CDH12: variants seen among roughly 807,000 people sequenced by gnomAD.
CDH12 encodes cadherin 12, also known as cadherin-12.
A neutral mutation model predicts 74.1 loss-of-function variants in CDH12; 41 were observed. The observed-to-expected ratio is 0.55, with a 90% CI of 0.43 to 0.72. The LOEUF is 0.72. Among genes scored for constraint, CDH12 ranks in the 30% least tolerant of loss-of-function variants. The pLI is 0.00. For missense variants in CDH12, 945 were observed against 977.2 expected (o/e 0.97, Z 0.44); for synonymous variants, 399 against 355.0 (o/e 1.12, Z -1.39).
chr5:22,715,870 G>C (rs1561598267), intron 1 of CDH12, among the ~76,000 whole-genome samples: 1 of 151,572 alleles, frequency 6.6e-6, no homozygotes, highest in Non-Finnish European at 1.5e-5. Flanking sequence ...AGCACGTTGG[G>C]TTACGCCTGT....
At chr5:21,933,330 G>C (rs1395558933) in intron 6 of CDH12, among the ~76,000 whole-genome samples, 1 of 152,026 alleles carries the variant, frequency 6.6e-6, no homozygotes, top group Non-Finnish European at 1.5e-5. Context: ...TGAGACTTGG[G>C]TATAACTAAA....
At chr5:22,090,501 AAG>A (rs1203883841) in intron 4 of CDH12, among the ~76,000 whole-genome samples, 2 of 151,368 alleles carry the variant, frequency 1.3e-5, no homozygotes, top group Non-Finnish European at 3.0e-5. Context: ...AAAAAAAAAA[AAG>A]AAGTTGAGGG....
At chr5:22,275,609 A>C (rs1026572237) in intron 3 of CDH12, among the ~76,000 whole-genome samples, 1 of 152,176 alleles carries the variant, frequency 6.6e-6, no homozygotes, top group Non-Finnish European at 1.5e-5. Flanking sequence ...ATAAGGCTTA[A>C]AAAATATTTC....
At chr5:22,730,045 A>T (rs147275690) in intron 1 of CDH12, among the ~76,000 whole-genome samples, 173 of 152,064 alleles carry the variant, frequency 1.1e-3, no homozygotes, top group African/African-American at 4.0e-3. Context: ...AAAAACTACA[A>T]TTAAACAGGA....
intron 3 of CDH12, among the ~76,000 whole-genome samples, chr5:22,319,390 T>C (rs1738765688): frequency 6.6e-6 from 1 of 152,132 alleles, no homozygotes; most frequent in South Asian, 2.1e-4. Context: ...CAACATCCTA[T>C]GTGGGAAGAA....
At chr5:22,108,221 T>A (rs1364252591) in intron 4 of CDH12, among the ~76,000 whole-genome samples, 2 of 152,110 alleles carry the variant, frequency 1.3e-5, no homozygotes, top group Admixed American at 6.6e-5. Context: ...TAAAGGGCAG[T>A]TCCCCTGCAC....
At chr5:22,343,321 CACAGAGAG>C (rs1354761974) in intron 3 of CDH12, among the ~76,000 whole-genome samples, 14 of 124,208 alleles carry the variant, frequency 1.1e-4, no homozygotes, top group African/African-American at 1.5e-4. Flanking sequence ...CAGACACACA[CACAGAGAG>C]AGAGAGAGAG....
chr5:21,917,086 C>T (rs2150068691), intron 6 of CDH12, among the ~76,000 whole-genome samples: 1 of 152,308 alleles, frequency 6.6e-6, no homozygotes, highest in African/African-American at 2.4e-5. Context: ...CTGGTCCTCT[C>T]ACCTTTAACA....
At chr5:22,135,887 GT>G (rs1249716017) in intron 4 of CDH12, among the ~76,000 whole-genome samples, 2 of 151,832 alleles carry the variant, frequency 1.3e-5, no homozygotes, top group Non-Finnish European at 2.9e-5. Flanking sequence ...GGAGAGCAAT[GT>G]TTTGTGTCCT....
At chr5:22,094,665 A>G (rs992364579) in intron 4 of CDH12, among the ~76,000 whole-genome samples, 2 of 152,140 alleles carry the variant, frequency 1.3e-5, no homozygotes, top group South Asian at 4.1e-4. Flanking sequence ...CCAGCTACAT[A>G]TCAGTATAGA....
chr5:22,590,273 C>A (rs1038785934), intron 1 of CDH12, among the ~76,000 whole-genome samples: 1 of 151,746 alleles, frequency 6.6e-6, no homozygotes, highest in Admixed American at 6.6e-5. Context: ...AGATCATGAG[C>A]CTCAAAAATG....
intron 6 of CDH12, among the ~76,000 whole-genome samples, chr5:21,911,387 T>C (rs183123199): frequency 6.0e-4 from 92 of 152,270 alleles, no homozygotes; most frequent in Middle Eastern, 3.4e-3. Context: ...TTTTATTTTT[T>C]ATTATTGATG....
At chr5:21,910,887 C>T (rs1022270131) in intron 6 of CDH12, among the ~76,000 whole-genome samples, 7 of 151,992 alleles carry the variant, frequency 4.6e-5, no homozygotes, top group Non-Finnish European at 8.8e-5. Context: ...ACTCAGATCC[C>T]AGAGGGTAAG....
chr5:22,428,216 C>T (rs1013194998), intron 2 of CDH12, among the ~76,000 whole-genome samples: 28 of 150,432 alleles, frequency 1.9e-4, no homozygotes, highest in African/African-American at 7.0e-4. Context: ...TACACACACA[C>T]ACACACACAC....
At chr5:22,843,366 A>T in intron 1 of CDH12, among the ~76,000 whole-genome samples, 1 of 152,126 alleles carries the variant, frequency 6.6e-6, no homozygotes, top group East Asian at 1.9e-4. Flanking sequence ...CTGTGAAATT[A>T]GCATCAAACA....
At chr5:22,600,050 T>C (rs1026657349) in intron 1 of CDH12, among the ~76,000 whole-genome samples, 1 of 152,130 alleles carries the variant, frequency 6.6e-6, no homozygotes, top group African/African-American at 2.4e-5. Flanking sequence ...AAAAAAGACA[T>C]GCAGACTCTG....
At chr5:22,752,035 T>C (rs529704300) in intron 1 of CDH12, among the ~76,000 whole-genome samples, 1 of 152,276 alleles carries the variant, frequency 6.6e-6, no homozygotes, top group Non-Finnish European at 1.5e-5. Flanking sequence ...TTGCTATCAT[T>C]TCAGTGTGGA....
chr5:22,569,834 A>T (rs1739459483), intron 1 of CDH12, among the ~76,000 whole-genome samples: 1 of 152,092 alleles, frequency 6.6e-6, no homozygotes, highest in Non-Finnish European at 1.5e-5. Flanking sequence ...AACTCTTCTA[A>T]GTCATCGAGA....
At chr5:22,603,887 T>C (rs1009051347) in intron 1 of CDH12, among the ~76,000 whole-genome samples, 2 of 152,154 alleles carry the variant, frequency 1.3e-5, no homozygotes, top group African/African-American at 4.8e-5. Context: ...CCAAAGAGAA[T>C]TGGCTTCACC....
Sources: gnomAD v4.1 joint callset for allele counts (sites outside exome capture counted in the v4.1 genomes callset) on GRCh38, gnomAD v4.1.1 for gene constraint, MANE v1.5 for transcripts, NCBI Gene and HGNC (gene_info 2026-07-23, HGNC 2026-07-21) for gene names.